The following GRID2 variants were observed in gnomAD, a reference collection of about 807,000 sequenced individuals.
GRID2 encodes the protein glutamate receptor ionotropic, delta-2.
A neutral mutation model predicts 114.8 loss-of-function variants in GRID2; 33 were observed. That is an observed-to-expected ratio of 0.29 (90% CI 0.22 to 0.38). GRID2 has a LOEUF of 0.38. GRID2 is among the 10% of genes least tolerant of loss of function. The pLI, the probability that GRID2 is intolerant of heterozygous loss-of-function variation, is 1.00. For missense variants in GRID2, 1,184 were observed against 1,257.7 expected, an observed-to-expected ratio of 0.94 and a Z score of 0.89; for synonymous variants, 505 against 449.9, an observed-to-expected ratio of 1.12 and a Z score of -1.55.
intron 11 of GRID2, among the ~76,000 whole-genome samples, chr4:93,464,246 A>G (rs1165567023): frequency 6.6e-6 from 1 of 152,158 alleles, no homozygotes; most frequent in Non-Finnish European, 1.5e-5. Flanking sequence ...AAATTTGAAA[A>G]TTCAATTTCT....
intron 2 of GRID2, among the ~76,000 whole-genome samples, chr4:93,031,156 C>T (rs1724392739): frequency 6.6e-6 from 1 of 151,290 alleles, no homozygotes; most frequent in Admixed American, 6.6e-5. Context: ...AGTGATCCTC[C>T]TGCCTCTGTC....
At chr4:92,970,429 T>G (rs1753433547) in intron 2 of GRID2, among the ~76,000 whole-genome samples, 1 of 151,986 alleles carries the variant, frequency 6.6e-6, no homozygotes, top group African/African-American at 2.4e-5. Context: ...AAACTGCAAT[T>G]ACTTTTGCGT....
At chr4:93,062,527 C>T (rs1727899699) in intron 2 of GRID2, among the ~76,000 whole-genome samples, 1 of 152,008 alleles carries the variant, frequency 6.6e-6, no homozygotes, top group African/African-American at 2.4e-5. Flanking sequence ...GTTATACTCC[C>T]TGTGATAATG....
intron 13 of GRID2, among the ~76,000 whole-genome samples, chr4:93,527,000 T>C (rs534645643): frequency 6.6e-6 from 1 of 152,308 alleles, no homozygotes; most frequent in South Asian, 2.1e-4. Context: ...TTAGTGTGTA[T>C]GTATATTATA....
intron 13 of GRID2, among the ~76,000 whole-genome samples, chr4:93,596,422 CA>C (rs1739094920): frequency 6.6e-6 from 1 of 151,864 alleles, no homozygotes. Context: ...ACTACAAATA[CA>C]AAAAATTAGC....
intron 1 of GRID2, among the ~76,000 whole-genome samples, chr4:92,343,506 CTA>C (rs1406247069): frequency 3.9e-5 from 6 of 152,074 alleles, no homozygotes; most frequent in African/African-American, 1.4e-4. Context: ...GGAAGCCTAA[CTA>C]ATAGCATAAA....
At chr4:93,003,649 C>G (rs1489929893) in intron 2 of GRID2, among the ~76,000 whole-genome samples, 1 of 151,944 alleles carries the variant, frequency 6.6e-6, no homozygotes, top group African/African-American at 2.4e-5. Context: ...AATAGCGGTG[C>G]TGGTGTCAGG....
At chr4:93,032,765 T>G (rs560524611) in intron 2 of GRID2, among the ~76,000 whole-genome samples, 2 of 152,104 alleles carry the variant, frequency 1.3e-5, no homozygotes, top group South Asian at 2.1e-4. Flanking sequence ...GAATGTATAC[T>G]TCACATAAAT....
rs376597824 is a variant in GRID2 at position 92,439,059 on chromosome 4, G to A, written c.88+134315G>A. 2.0e-3 allele frequency among the ~76,000 whole-genome samples: 303 copies of A among 152,146 alleles called. 1 individual carries two copies. Among genetic ancestry groups the A allele is most frequent in the South Asian group, 0.02 (94 of 4,820 alleles). On this transcript the variant is annotated intron_variant, in intron 1 of 15. Transcript: ENST00000282020. The stretch of plus-strand genomic sequence containing the variant: ...GGCTGAGTCCGAAAAGAGAGTCAGC[G>A]AAGGGAGATAAGGGTGGGGCCGTTT...
intron 8 of GRID2, among the ~76,000 whole-genome samples, chr4:93,337,952 C>G (rs1294636747): frequency 6.6e-6 from 1 of 152,152 alleles, no homozygotes; most frequent in African/African-American, 2.4e-5. Flanking sequence ...AGTCCCTCTC[C>G]TCAGAAGTAA....
intron 2 of GRID2, among the ~76,000 whole-genome samples, chr4:93,033,569 A>T (rs1028236811): frequency 7.9e-5 from 12 of 152,098 alleles, no homozygotes; most frequent in Admixed American, 7.2e-4. Context: ...TAGGAGGTCT[A>T]GCTATATTAA....
At chr4:92,660,953 C>T (rs1323513789) in intron 2 of GRID2, among the ~76,000 whole-genome samples, 1 of 150,896 alleles carries the variant, frequency 6.6e-6, no homozygotes, top group Non-Finnish European at 1.5e-5. Context: ...ACCATTTTGG[C>T]TAACCTTTTT....
rs150657967 is a variant in GRID2 at position 93,695,772 on chromosome 4, C to A, written c.2360+69337C>A. Among the ~76,000 whole-genome samples the A allele has an allele frequency of 4.2e-3, 636 of 152,298 alleles. 2 individuals are homozygous for A. Among genetic ancestry groups the A allele is most frequent in the African/African-American group, 0.014 (594 of 41,570 alleles). Reference sequence around the variant, plus strand: ...AGTGTCCACTATGCCATTTTCTTAGCCATGTGGCTTCTACAAGTCACTTAG... The same window carrying A: ...AGTGTCCACTATGCCATTTTCTTAGACATGTGGCTTCTACAAGTCACTTAG... On this transcript the variant is annotated intron_variant, in intron 14 of 15. Coordinates refer to ENST00000282020, the MANE Select transcript of GRID2 (RefSeq NM_001510.4).
At chr4:93,578,807 T>A (rs928967712) in intron 13 of GRID2, among the ~76,000 whole-genome samples, 2 of 151,928 alleles carry the variant, frequency 1.3e-5, no homozygotes, top group Non-Finnish European at 2.9e-5. Flanking sequence ...GTTAGTCAGG[T>A]TGGTCTCGAT....
intron 14 of GRID2, among the ~76,000 whole-genome samples, chr4:93,714,833 C>G (rs1245618647): frequency 1.3e-5 from 2 of 152,160 alleles, no homozygotes; most frequent in East Asian, 1.9e-4. Flanking sequence ...GATATTAGAC[C>G]TTTGTCCAAT....
At chr4:93,707,793 G>A (rs1728139143) in intron 14 of GRID2, among the ~76,000 whole-genome samples, 1 of 151,532 alleles carries the variant, frequency 6.6e-6, no homozygotes, top group Non-Finnish European at 1.5e-5. Flanking sequence ...TTATTTATTT[G>A]AAGTTTATAT....
intron 1 of GRID2, among the ~76,000 whole-genome samples, chr4:92,565,372 T>C (rs949805445): frequency 6.6e-6 from 1 of 151,992 alleles, no homozygotes; most frequent in Admixed American, 6.6e-5. Flanking sequence ...GTTTACTGAA[T>C]TCATATGCTT....
chr4:92,502,874 C>T (rs1363580686), intron 1 of GRID2, among the ~76,000 whole-genome samples: 24 of 151,934 alleles, frequency 1.6e-4, no homozygotes, highest in African/African-American at 3.9e-4. Context: ...CCTGCCACCA[C>T]GCCCAGCTGA....
intron 1 of GRID2, among the ~76,000 whole-genome samples, chr4:92,500,892 C>T (rs1723651711): frequency 6.6e-6 from 1 of 152,100 alleles, no homozygotes; most frequent in Admixed American, 6.6e-5. Context: ...CAGAGTCTCC[C>T]AGTACTATTC....
Sources: gnomAD v4.1 joint callset for allele counts (sites outside exome capture counted in the v4.1 genomes callset) on GRCh38, gnomAD v4.1.1 for gene constraint, MANE v1.5 for transcripts, NCBI Gene and HGNC (gene_info 2026-07-23, HGNC 2026-07-21) for gene names.